The following TOP1 variants were observed in gnomAD, a reference collection of about 807,000 sequenced individuals.
TOP1 encodes DNA topoisomerase 1.
A neutral mutation model predicts 111.1 loss-of-function variants in TOP1; 10 were observed. The observed-to-expected ratio is 0.09, with a 90% CI of 0.06 to 0.15. The LOEUF (loss-of-function observed/expected upper bound fraction) is 0.15. Ranked by LOEUF, TOP1 falls within the 10% of genes least tolerant of loss-of-function variation. The probability of loss-of-function intolerance (pLI) is 1.00; values close to 1 mark genes in which losing one functional copy is unlikely to be tolerated. For missense variants in TOP1, 474 were observed against 926.7 expected, an observed-to-expected ratio of 0.51 and a Z score of 6.34; for synonymous variants, 271 against 302.9, an observed-to-expected ratio of 0.89 and a Z score of 1.10.
intron 2 of TOP1, among the ~76,000 whole-genome samples, chr20:41,039,808 G>A (rs1444921695): frequency 6.6e-6 from 1 of 152,132 alleles, no homozygotes; most frequent in Non-Finnish European, 1.5e-5. Flanking sequence ...TTGGGAGGCT[G>A]AGGCAGGAGA....
intron 3 of TOP1, among the ~76,000 whole-genome samples, chr20:41,074,493 T>TG (rs11482205): frequency 0.12 from 18,867 of 152,056 alleles, 1,436 homozygotes; most frequent in South Asian, 0.25. Context: ...TGTTTTGTTT[T>TG]TTTTTTTCTC....
chr20:41,056,371 A>G (rs1054134330), intron 2 of TOP1, among the ~76,000 whole-genome samples: 1 of 152,200 alleles, frequency 6.6e-6, no homozygotes, highest in African/African-American at 2.4e-5. Context: ...CAGAAATTAC[A>G]AATTTACTGA....
chr20:41,087,218 C>T (rs766233766), intron 8 of TOP1, among the ~76,000 whole-genome samples: 15 of 152,216 alleles, frequency 9.9e-5, no homozygotes, highest in East Asian at 1.9e-4. Flanking sequence ...TGCTATATCA[C>T]GTTATCTCCA....
At chr20:41,108,822 C>T (rs1295475176) in intron 13 of TOP1, among the ~76,000 whole-genome samples, 2 of 152,144 alleles carry the variant, frequency 1.3e-5, no homozygotes, top group Non-Finnish European at 2.9e-5. Context: ...TAGGAGTTTA[C>T]AAAAAGGCTG....
rs902934702 is a variant in TOP1 at position 41,106,980 on chromosome 20, A to G, written c.1308+5627A>G. Among the ~76,000 whole-genome samples the G allele has an allele frequency of 2.6e-5, 4 of 152,170 alleles. No individual in the cohort carries two copies. Among genetic ancestry groups the G allele is most frequent in the African/African-American group, 7.2e-5 (3 of 41,448 alleles). ...AGCAGTCACAGCCAAATGTTTTATT[A>G]ATTGCTATACTCAGTGTTTCTTGTA... On this transcript the variant is annotated intron_variant, in intron 13 of 20. Transcript: ENST00000361337. The surrounding 1 kb of genome is among the most constrained non-coding windows in gnomAD (Gnocchi z 4.3).
rs374615616 is a variant in TOP1 at position 41,074,082 on chromosome 20, G to A, written c.156-2089G>A. ...GATTACCTATACATTAACTCCTGAA[G>A]AATCAATTATAATCTCAGCAACCTT... On this transcript the variant is annotated intron_variant, in intron 3 of 20. Transcript: ENST00000361337. Among the ~76,000 whole-genome samples, 6 of 152,184 alleles carry A rather than the reference G, an allele frequency of 3.9e-5. No individual in the cohort carries two copies. In the East Asian group the frequency reaches 9.6e-4, roughly 24 times the overall value.
intron 8 of TOP1, among the ~76,000 whole-genome samples, chr20:41,089,417 T>C (rs1012331407): frequency 2.0e-5 from 3 of 152,224 alleles, no homozygotes; most frequent in African/African-American, 7.2e-5. Context: ...CATACAGTAT[T>C]TGTCCTTTGT....
intron 8 of TOP1, among the ~76,000 whole-genome samples, chr20:41,086,286 C>A (rs948632043): frequency 1.3e-5 from 2 of 151,270 alleles, no homozygotes; most frequent in Non-Finnish European, 3.0e-5. Context: ...AGAAAAAAAA[C>A]CCCACATGGG....
intron 13 of TOP1, among the ~76,000 whole-genome samples, chr20:41,107,838 C>T (rs537298109): frequency 1.3e-5 from 2 of 152,212 alleles, no homozygotes; most frequent in South Asian, 4.2e-4. Flanking sequence ...CTGTTCATTA[C>T]TTTTTGTCTT....
chr20:41,084,775 C>G (rs750219524), intron 8 of TOP1, among the ~76,000 whole-genome samples: 27 of 152,254 alleles, frequency 1.8e-4, no homozygotes, highest in Admixed American at 3.9e-4. Flanking sequence ...AAACTGGTTT[C>G]CACCACTGTG....
rs1600590511 is a variant in TOP1 at position 41,101,367 on chromosome 20, T to C, written c.1308+14T>C. On this transcript the variant is annotated intron_variant, in intron 13 of 20. Transcript: ENST00000361337. This position sits in a 1 kb window ranked among gnomAD's most constrained non-coding sequence, Gnocchi z 4.1. Reference sequence around the variant, plus strand: ...TCACGAATCAAGGTAAGGGGATAGTTGAGAGCTGCACTGGTTCATGGTGCT... The same window carrying C: ...TCACGAATCAAGGTAAGGGGATAGTCGAGAGCTGCACTGGTTCATGGTGCT... 1 of 1,613,256 alleles carries C rather than the reference T, an allele frequency of 6.2e-7. No individual in the cohort carries two copies. The highest frequency in any genetic ancestry group is 2.2e-5 in the East Asian group (1 of 44,840).
chr20:41,047,711 G>A (rs1349084161), intron 2 of TOP1, among the ~76,000 whole-genome samples: 1 of 152,170 alleles, frequency 6.6e-6, no homozygotes, highest in Admixed American at 6.5e-5. Context: ...ACTTGAATGG[G>A]CTACAAGGTG....
Position 41,116,384 on chromosome 20 carries a change from T to C in TOP1, c.1814T>C (p.Leu605Pro). 1.2e-6 allele frequency: 2 copies of C among 1,613,940 alleles called. No homozygotes were observed. Among genetic ancestry groups the C allele is most frequent in the Non-Finnish European group, 1.7e-6 (2 of 1,179,836 alleles). ...SITLQQQLKE[L>P]TAPDENIPAK... ...ACGCTACAGCAGCAGCTAAAAGAAC[T>C]GACAGCCCGTAAGTATTGCTTGGCC... is the stretch of plus-strand genomic sequence containing the variant. Residue 605 changes from leucine to proline, a missense_variant, in exon 17 of 21, where the codon CTG becomes CCG. This residue lies in a region of TOP1 where 18 missense variants were observed against 20.5 expected (regional missense o/e 0.88). Coordinates refer to ENST00000361337, the MANE Select transcript of TOP1 (RefSeq NM_003286.4). This position sits in a 1 kb window ranked among gnomAD's most constrained non-coding sequence, Gnocchi z 5.6.
rs76184910 is a variant in TOP1 at position 41,049,316 on chromosome 20, C to T, written c.59-12078C>T. On this transcript the variant is annotated intron_variant, in intron 2 of 20. Coordinates refer to ENST00000361337, the MANE Select transcript of TOP1 (RefSeq NM_003286.4). ...GTTTTAGAAATTTGAAGTTGTGTTG[C>T]AGAGGTGATAACAAAATTGGGTCTT... Among the ~76,000 whole-genome samples the T allele has an allele frequency of 0.039, 5,916 of 152,294 alleles. 648 individuals carry two copies. The East Asian group carries it at 0.46, about 12-fold the overall frequency.
Position 41,101,035 on chromosome 20 carries a change from G to C in TOP1, c.1164-174G>C. On this transcript the variant is annotated intron_variant, in intron 12 of 20. Coordinates refer to ENST00000361337, the MANE Select transcript of TOP1 (RefSeq NM_003286.4). This position sits in a 1 kb window ranked among gnomAD's most constrained non-coding sequence, Gnocchi z 4.1. ...CTGGAATTTTGTATTGAATATTTTC[G>C]GATGACAGTTGGCTGAGGGTAAGTA... 3 of 593,792 alleles carry C rather than the reference G, an allele frequency of 5.1e-6. No homozygotes were observed. Among genetic ancestry groups the C allele is most frequent in the Non-Finnish European group, 8.9e-6 (3 of 336,552 alleles). 36.8% of individuals were successfully genotyped at this position (593,792 alleles called of 1,614,324 possible).
chr20:41,057,715 G>A (rs2033491494), intron 2 of TOP1, among the ~76,000 whole-genome samples: 1 of 152,086 alleles, frequency 6.6e-6, no homozygotes. Context: ...TTATGCGTTT[G>A]TTGAATTATA....
chr20:41,060,720 T>C (rs2033534518), intron 2 of TOP1, among the ~76,000 whole-genome samples: 1 of 152,204 alleles, frequency 6.6e-6, no homozygotes, highest in South Asian at 2.1e-4. Context: ...TTTTTTTGTA[T>C]ATAAAATGGC....
chr20:41,059,539 G>A (rs143392310), intron 2 of TOP1, among the ~76,000 whole-genome samples: 174 of 151,934 alleles, frequency 1.1e-3, no homozygotes, highest in African/African-American at 3.9e-3. Flanking sequence ...CCAGGAGTTC[G>A]AGAGGAGCCT....
At chr20:41,084,209 CA>C (rs2033820559) in intron 7 of TOP1, among the ~76,000 whole-genome samples, 1 of 152,026 alleles carries the variant, frequency 6.6e-6, no homozygotes, top group Non-Finnish European at 1.5e-5. Context: ...AAAAGTTTCC[CA>C]GTCTCTTCCC....
Sources: allele counts gnomAD v4.1 joint callset (sites outside exome capture counted in the v4.1 genomes callset), GRCh38; gene constraint gnomAD v4.1.1; regional missense constraint gnomAD v4.1.1; non-coding constraint Gnocchi (gnomAD v3.1); transcripts MANE v1.5; gene names NCBI Gene and HGNC (gene_info 2026-07-23, HGNC 2026-07-21).